Variants in USP13 observed in about 807,000 individuals in gnomAD.
USP13 encodes the protein ubiquitin specific peptidase 13.
A neutral mutation model predicts 107.8 loss-of-function variants in USP13; 68 were observed. That is an observed-to-expected ratio of 0.63 (90% CI 0.52 to 0.77). USP13 has a LOEUF of 0.77. Ranked by LOEUF, USP13 falls within the 30% of genes least tolerant of loss-of-function variation. The probability of loss-of-function intolerance (pLI) is 0.00; values close to 1 mark genes in which losing one functional copy is unlikely to be tolerated. For missense variants in USP13, 945 were observed against 1,093.3 expected, an observed-to-expected ratio of 0.86 and a Z score of 1.91; for synonymous variants, 377 against 389.5, an observed-to-expected ratio of 0.97 and a Z score of 0.38.
At chr3:179,666,964 C>G (rs1340239144) in intron 1 of USP13, among the ~76,000 whole-genome samples, 2 of 152,194 alleles carry the variant, frequency 1.3e-5, no homozygotes, top group African/African-American at 4.8e-5. Flanking sequence ...TTCCTGTGAG[C>G]CTTGGTTTCC....
At chr3:179,776,858 GTTT>G (rs71628094) in intron 19 of USP13, among the ~76,000 whole-genome samples, 6 of 78,300 alleles carry the variant, frequency 7.7e-5, no homozygotes, top group African/African-American at 2.1e-4. Flanking sequence ...TAGAGTGCTG[GTTT>G]TTTTTTTTTT....
rs1419421776 is a variant in USP13 at position 179,684,274 on chromosome 3, C to CAT, written c.294+2272_294+2273insTA. Among the ~76,000 whole-genome samples, 30 of 132,022 alleles carry CAT rather than the reference C, an allele frequency of 2.3e-4. No homozygotes were observed. The South Asian group carries it at 2.9e-3, about 13-fold the overall frequency. The allele number at this position is 132,022 out of a possible 152,430, so 86.6% of individuals were successfully genotyped here. A position where few individuals can be genotyped will look rare whatever the true frequency, so the allele number is the denominator to read the frequency against. ...ACGCCTGGCAGTATCACCCTTTACA[C>CAT]ACACACACACACACACACACACACA... On this transcript the variant is annotated intron_variant, in intron 2 of 20. Coordinates refer to ENST00000263966, the MANE Select transcript of USP13 (RefSeq NM_003940.3).
chr3:179,753,610 G>T (rs1714685029), intron 14 of USP13, among the ~76,000 whole-genome samples: 1 of 152,158 alleles, frequency 6.6e-6, no homozygotes, highest in Admixed American at 6.5e-5. Context: ...CTCTTAAGGA[G>T]CAGTTGTATT....
At position 179,678,508 on chromosome 3, in the gene USP13, T is replaced by C. The variant is rs533521223; in HGVS notation, c.169-3370T>C. On this transcript the variant is annotated intron_variant, in intron 1 of 20. Transcript: ENST00000263966. This position sits in a 1 kb window ranked among gnomAD's most constrained non-coding sequence, Gnocchi z 4.2. ...TTTTTTTTGAGACAGGGTCTCTTTC[T>C]GTCACCCAGGCTGGATGGCACAATC... Among the ~76,000 whole-genome samples the C allele has an allele frequency of 6.6e-6, 1 of 152,116 alleles. No homozygotes were observed. Among genetic ancestry groups the C allele is most frequent in the South Asian group, 2.1e-4 (1 of 4,814 alleles).
At chr3:179,683,187 C>A (rs1273072070) in intron 2 of USP13, among the ~76,000 whole-genome samples, 1 of 150,692 alleles carries the variant, frequency 6.6e-6, no homozygotes, top group African/African-American at 2.4e-5. Context: ...TTGTTACATA[C>A]TAGATTTCCT....
intron 12 of USP13, among the ~76,000 whole-genome samples, chr3:179,743,671 AC>A (rs1260062643): frequency 6.6e-6 from 1 of 151,954 alleles, no homozygotes; most frequent in African/African-American, 2.4e-5. Context: ...TTACTGACTC[AC>A]GTGTCTGCTC....
intron 17 of USP13, 75 bp downstream of exon 17, chr3:179,761,330 G>A (rs1237953049): frequency 9.6e-6 from 15 of 1,562,574 alleles, no homozygotes; most frequent in Non-Finnish European, 1.1e-5. Flanking sequence ...GTCCTTCCAA[G>A]GTCCCTGTGG....
chr3:179,740,547 TGACTG>T (rs1440594912), intron 11 of USP13, among the ~76,000 whole-genome samples, 175 bp downstream of exon 11: 1 of 152,224 alleles, frequency 6.6e-6, no homozygotes, highest in Non-Finnish European at 1.5e-5. Flanking sequence ...CAACTTGATG[TGACTG>T]CTCTTCACAC....
At chr3:179,722,957 G>A (rs1242556051) in intron 8 of USP13, among the ~76,000 whole-genome samples, 1 of 152,212 alleles carries the variant, frequency 6.6e-6, no homozygotes, top group African/African-American at 2.4e-5. Context: ...TTCCTTGGGT[G>A]TACTGAGGAC....
chr3:179,684,472 G>A (rs1397853236), intron 2 of USP13, among the ~76,000 whole-genome samples: 3 of 151,972 alleles, frequency 2.0e-5, no homozygotes, highest in African/African-American at 7.3e-5. Flanking sequence ...CACAACATCT[G>A]GCTAATTTCT....
intron 16 of USP13, among the ~76,000 whole-genome samples, chr3:179,760,633 A>G (rs892333642): frequency 6.6e-6 from 1 of 152,026 alleles, no homozygotes; most frequent in Admixed American, 6.6e-5. Flanking sequence ...TTCCTTCTAT[A>G]CTTAACATTT....
intron 19 of USP13, among the ~76,000 whole-genome samples, chr3:179,772,799 C>G (rs1469620056): frequency 6.6e-6 from 1 of 152,208 alleles, no homozygotes; most frequent in Admixed American, 6.5e-5. Context: ...GGCATTGTAA[C>G]CGAGAGACTG....
At chr3:179,783,046 G>A (rs963655144) in intron 20 of USP13, among the ~76,000 whole-genome samples, 1 of 151,936 alleles carries the variant, frequency 6.6e-6, no homozygotes, top group Non-Finnish European at 1.5e-5. Context: ...CACCCGGCTG[G>A]GACTTAATCT....
intron 19 of USP13, 135 bp downstream of exon 19, chr3:179,765,983 T>G: frequency 9.5e-7 from 1 of 1,057,660 alleles, no homozygotes; most frequent in Non-Finnish European, 1.3e-6. Flanking sequence ...CTTCGTTTTT[T>G]TTTTTTTTCT....
intron 3 of USP13, among the ~76,000 whole-genome samples, chr3:179,692,686 A>G (rs757555534): frequency 1.3e-5 from 2 of 152,224 alleles, no homozygotes; most frequent in Admixed American, 1.3e-4. Context: ...TCGACTTACC[A>G]TTGTTAATTT....
rs1051816407 is a variant in USP13 at position 179,653,946 on chromosome 3, G to T, written c.168+553G>T. On this transcript the variant is annotated intron_variant, in intron 1 of 20. Transcript: ENST00000263966. The surrounding 1 kb of genome is among the most constrained non-coding windows in gnomAD (Gnocchi z 4.0). ...GTCAGGGCCAGGCGCGGTGGCTCAC[G>T]TCTGAAATCCTAGCACTTTTTAAGA... 1.5e-4 allele frequency among the ~76,000 whole-genome samples: 23 copies of T among 152,154 alleles called. No individual in the cohort carries two copies. Among genetic ancestry groups the T allele is most frequent in the African/African-American group, 5.6e-4 (23 of 41,440 alleles).
At chr3:179,752,954 C>G (rs1332842599) in intron 14 of USP13, among the ~76,000 whole-genome samples, 1 of 152,154 alleles carries the variant, frequency 6.6e-6, no homozygotes, top group African/African-American at 2.4e-5. Context: ...ATGAGGCTTT[C>G]TTCGTGCTAA....
At chr3:179,739,817 C>T (rs779118989) in intron 10 of USP13, among the ~76,000 whole-genome samples, 1 of 152,182 alleles carries the variant, frequency 6.6e-6, no homozygotes, top group Admixed American at 6.5e-5. Flanking sequence ...CCTCGGCCTC[C>T]CAAAATGCTA....
At chr3:179,665,170 C>T (rs933000857) in intron 1 of USP13, among the ~76,000 whole-genome samples, 3 of 152,156 alleles carry the variant, frequency 2.0e-5, no homozygotes, top group African/African-American at 4.8e-5. Context: ...GCTTCCTGTG[C>T]ACTCTGCACT....
Sources: allele counts gnomAD v4.1 joint callset (sites outside exome capture counted in the v4.1 genomes callset), GRCh38; gene constraint gnomAD v4.1.1; non-coding constraint Gnocchi (gnomAD v3.1); transcripts MANE v1.5; gene names NCBI Gene and HGNC (gene_info 2026-07-23, HGNC 2026-07-21).